Variants in CACUL1 observed in about 807,000 individuals in gnomAD.
CACUL1 encodes CDK2-associated and cullin domain-containing protein 1.
CACUL1 carries 13 observed loss-of-function variants against 45.2 expected under a neutral mutation model. The observed-to-expected ratio is 0.29, with a 90% CI of 0.19 to 0.46. CACUL1 has a LOEUF of 0.46. Among genes scored for constraint, CACUL1 ranks in the 20% least tolerant of loss-of-function variants. The pLI is 1.00. For synonymous variants in CACUL1, 197 were observed against 174.2 expected (o/e 1.13, Z -1.03); for missense variants, 421 against 471.4 (o/e 0.89, Z 0.99).
At chr10:118,687,781 A>AC (rs1281496111) in intron 7 of CACUL1, among the ~76,000 whole-genome samples, 3 of 152,174 alleles carry the variant, frequency 2.0e-5, no homozygotes, top group Non-Finnish European at 4.4e-5. Context: ...GCATGTCAGC[A>AC]CTTTACTACT....
intron 1 of CACUL1, among the ~76,000 whole-genome samples, chr10:118,736,116 C>T (rs1045500137): frequency 6.6e-6 from 1 of 152,084 alleles, no homozygotes; most frequent in Non-Finnish European, 1.5e-5. Flanking sequence ...CTCAGAGCAG[C>T]TGAAGGCCAA....
rs537094152 is a variant in CACUL1 at position 118,746,896 on chromosome 10, A to C, written c.367+7500T>G. ...AAGAGATACTACGATTCTCTAGAAC[A>C]GGGGTCCCCAACCCCAGGCCACAGG... On this transcript the variant is annotated intron_variant, in intron 1 of 8. Coordinates refer to ENST00000369151, the MANE Select transcript of CACUL1 (RefSeq NM_153810.5). 9.6e-4 allele frequency among the ~76,000 whole-genome samples: 146 copies of C among 152,344 alleles called. 7 individuals are homozygous for C. In the South Asian group the frequency reaches 0.029, roughly 30 times the overall value.
chr10:118,729,194 C>T (rs1300435496), intron 3 of CACUL1, 101 bp downstream of exon 3: 3 of 719,900 alleles, frequency 4.2e-6, no homozygotes, highest in Non-Finnish European at 7.2e-6. Flanking sequence ...AAATTTATAT[C>T]ATAATCAAAT....
chr10:118,710,381 T>C (rs1349481264), intron 3 of CACUL1, among the ~76,000 whole-genome samples: 2 of 152,188 alleles, frequency 1.3e-5, no homozygotes, highest in African/African-American at 2.4e-5. Context: ...TCCAAGGCCT[T>C]CTACACCTAC....
rs984869979 is a variant in CACUL1 at position 118,684,522 on chromosome 10, T to C, written c.*1606A>G. 3 of 152,240 alleles carry C rather than the reference T, an allele frequency of 2.0e-5. No homozygotes were observed. The highest frequency in any genetic ancestry group is 4.8e-5 in the African/African-American group (2 of 41,458). 9.4% of individuals were successfully genotyped at this position (152,240 alleles called of 1,614,324 possible). A position where few individuals can be genotyped will look rare whatever the true frequency, so the allele number is the denominator to read the frequency against. ...TGCTCACAGAGTGAATTGAGTCCAA[T>C]TAAAGTCCACAAAATCCACGAACTC... On this transcript the variant is annotated 3_prime_UTR_variant, in exon 9 of 9. Transcript: ENST00000369151.
At chr10:118,721,753 T>G (rs1845602911) in intron 3 of CACUL1, among the ~76,000 whole-genome samples, 1 of 152,214 alleles carries the variant, frequency 6.6e-6, no homozygotes, top group African/African-American at 2.4e-5. Flanking sequence ...GAACTGTTAA[T>G]GGGTCACTGA....
At chr10:118,732,401 T>G (rs1024163891) in intron 1 of CACUL1, among the ~76,000 whole-genome samples, 8 of 152,214 alleles carry the variant, frequency 5.3e-5, no homozygotes, top group African/African-American at 1.9e-4. Context: ...AAAGCTTAGC[T>G]GTCCAGCGGG....
intron 3 of CACUL1, among the ~76,000 whole-genome samples, chr10:118,708,913 C>T (rs1300573187): frequency 1.3e-5 from 2 of 152,182 alleles, no homozygotes; most frequent in Non-Finnish European, 2.9e-5. Context: ...GTCTATAGTA[C>T]AGTTGACCCT....
chr10:118,740,799 G>A (rs1293577656), intron 1 of CACUL1, among the ~76,000 whole-genome samples: 3 of 151,644 alleles, frequency 2.0e-5, no homozygotes, highest in Admixed American at 1.3e-4. Context: ...GGTGGCAGGC[G>A]CCTGTAGTCC....
chr10:118,754,572 G>A lies in CACUL1; in HGVS notation c.191C>T (p.Ser64Phe). The part of the protein sequence containing the change: ...GGQLLAVPAV[S>F]VDRKGPKEGL... ...CTCCTTGGGGCCTTTCCTGTCCACG[G>A]AGACCGCGGGCACCGCCAGCAGCTG... Residue 64 changes from serine (S) to phenylalanine (F), a missense_variant, in exon 1 of 9, where the codon TCC (serine) becomes TTC (phenylalanine). By Grantham distance (155) the Ser-to-Phe change is radical (BLOSUM62 -2). Transcript: ENST00000369151. The A allele has an allele frequency of 1.2e-6, 2 of 1,610,506 alleles. No homozygotes were observed. The highest frequency in any genetic ancestry group is 1.7e-6 in the Non-Finnish European group (2 of 1,178,648).
chr10:118,730,357 C>T lies in CACUL1; in HGVS notation c.421G>A (p.Asp141Asn). 1 of 1,613,714 alleles carries T rather than the reference C, an allele frequency of 6.2e-7. No individual in the cohort carries two copies. The highest frequency in any genetic ancestry group is 8.5e-7 in the Non-Finnish European group (1 of 1,179,618). The part of the protein sequence containing the change: ...DYKSTYWPKL[D>N]GAIDQLLTQS... ...GTTAAAAGTTGATCTATGGCACCAT[C>T]CAATTTTGGCCAGTATGTGCTCTTA... The change falls in exon 2 of 9, where the codon GAT becomes AAT. Residue 141 changes from aspartate to asparagine, a missense_variant. Physicochemically the swap from Asp to Asn is conservative, Grantham distance 23 (BLOSUM62 1). Coordinates refer to ENST00000369151, the MANE Select transcript of CACUL1 (RefSeq NM_153810.5).
intron 3 of CACUL1, among the ~76,000 whole-genome samples, chr10:118,723,859 G>A (rs79981094): frequency 0.03 from 4,523 of 152,048 alleles, 228 homozygotes; most frequent in East Asian, 0.18. Flanking sequence ...TCCGCCTCCC[G>A]GGTTCAAGCA....
At position 118,681,677 on chromosome 10, in the gene CACUL1, A is replaced by C. The variant is rs896970458; in HGVS notation, c.*4451T>G. ...GCAATATATAGTAGGTTCCCCTATG[A>C]ATGAAGCTCAAATTAGCATTTCCTT... On this transcript the variant is annotated 3_prime_UTR_variant, in exon 9 of 9. Coordinates refer to ENST00000369151, the MANE Select transcript of CACUL1 (RefSeq NM_153810.5). The C allele has an allele frequency of 1.3e-5, 2 of 152,254 alleles. No homozygotes were observed. The highest frequency in any genetic ancestry group is 2.9e-5 in the Non-Finnish European group (2 of 68,052). 9.4% of individuals were successfully genotyped at this position (152,254 alleles called of 1,614,324 possible).
At chr10:118,710,824 T>C (rs903454930) in intron 3 of CACUL1, among the ~76,000 whole-genome samples, 2 of 152,226 alleles carry the variant, frequency 1.3e-5, no homozygotes, top group Non-Finnish European at 2.9e-5. Context: ...CTAAATCTAA[T>C]TTAGCATTAT....
chr10:118,695,468 A>T (rs1443483329), intron 5 of CACUL1, among the ~76,000 whole-genome samples: 1 of 152,218 alleles, frequency 6.6e-6, no homozygotes, highest in Non-Finnish European at 1.5e-5. Flanking sequence ...AAGGTTCTGA[A>T]AAGTAAGTAA....
chr10:118,706,252 A>G (rs1350064735), intron 4 of CACUL1, among the ~76,000 whole-genome samples: 1 of 152,260 alleles, frequency 6.6e-6, no homozygotes, highest in East Asian at 1.9e-4. Flanking sequence ...TTAAAATGGC[A>G]GACATGCAAG....
chr10:118,735,441 C>A (rs890430937), intron 1 of CACUL1, among the ~76,000 whole-genome samples: 3 of 152,186 alleles, frequency 2.0e-5, no homozygotes, highest in Non-Finnish European at 4.4e-5. Context: ...GTTGCAAATG[C>A]AAACTGTCAG....
chr10:118,736,281 A>T (rs763131901), intron 1 of CACUL1, among the ~76,000 whole-genome samples: 22 of 152,232 alleles, frequency 1.4e-4, no homozygotes, highest in Admixed American at 2.0e-4. Context: ...TACTGTGTTT[A>T]TGTTTTAAGC....
At chr10:118,699,126 T>G (rs769971618) in intron 5 of CACUL1, among the ~76,000 whole-genome samples, 18 of 152,224 alleles carry the variant, frequency 1.2e-4, no homozygotes, top group Non-Finnish European at 1.8e-4. Flanking sequence ...GCAGTGCATG[T>G]GTGTTTAAAA....
Sources: allele counts gnomAD v4.1 joint callset (sites outside exome capture counted in the v4.1 genomes callset), GRCh38; gene constraint gnomAD v4.1.1; transcripts MANE v1.5; gene names NCBI Gene and HGNC (gene_info 2026-07-23, HGNC 2026-07-21).